The following MARCHF1 variants were observed in gnomAD, a reference collection of about 807,000 sequenced individuals.
MARCHF1 encodes the protein E3 ubiquitin-protein ligase MARCHF1.
In MARCHF1, 40 loss-of-function variants were observed where a neutral mutation model predicts 54.2. That is an observed-to-expected ratio of 0.74 (90% CI 0.57 to 0.96). MARCHF1 has a LOEUF of 0.96. Ranked by LOEUF, MARCHF1 falls within the 40% of genes least tolerant of loss-of-function variation. The probability of loss-of-function intolerance (pLI) is 0.00; values close to 1 mark genes in which losing one functional copy is unlikely to be tolerated. For missense variants in MARCHF1, 586 were observed against 656.5 expected (o/e 0.89, Z 1.17); for synonymous variants, 236 against 236.3 (o/e 1.00, Z 0.01).
At chr4:163,599,075 G>A (rs1319173157) in intron 7 of MARCHF1, among the ~76,000 whole-genome samples, 1 of 152,000 alleles carries the variant, frequency 6.6e-6, no homozygotes, top group Admixed American at 6.6e-5. Context: ...GATCGCCTAA[G>A]GTCAGGAGTT....
At chr4:164,090,256 C>T (rs1281773382) in intron 2 of MARCHF1, among the ~76,000 whole-genome samples, 2 of 151,882 alleles carry the variant, frequency 1.3e-5, no homozygotes, top group Non-Finnish European at 2.9e-5. Flanking sequence ...GAAACAAGAA[C>T]TCTCAAGTGA....
Position 163,778,684 on chromosome 4 carries a change from A to G in MARCHF1, c.111+75337T>C, listed in dbSNP as rs544322652. On this transcript the variant is annotated intron_variant, in intron 4 of 9. Coordinates refer to ENST00000514618, the MANE Select transcript of MARCHF1 (RefSeq NM_001394959.1). ...CTACTCAGCCATTAAAAATAAAATC[A>G]TATATTTTTATTGCATCATGGATGG... Among the ~76,000 whole-genome samples, 16 of 152,268 alleles carry G rather than the reference A, an allele frequency of 1.1e-4. 1 individual carries two copies. In the East Asian group the frequency reaches 2.3e-3, roughly 22 times the overall value.
chr4:163,955,469 C>T (rs1752214268), intron 3 of MARCHF1, among the ~76,000 whole-genome samples: 1 of 151,978 alleles, frequency 6.6e-6, no homozygotes, highest in African/African-American at 2.4e-5. Context: ...TCTGACACTC[C>T]CTGGCCATTG....
intron 4 of MARCHF1, among the ~76,000 whole-genome samples, chr4:163,721,482 A>G (rs990976540): frequency 1.3e-5 from 2 of 152,090 alleles, no homozygotes; most frequent in South Asian, 2.1e-4. Context: ...ATGTTGGTCT[A>G]AAATTCTCTT....
intron 2 of MARCHF1, among the ~76,000 whole-genome samples, chr4:164,071,791 A>G (rs996174557): frequency 2.0e-5 from 3 of 152,142 alleles, no homozygotes; most frequent in African/African-American, 7.2e-5. Context: ...CTCCTCCTGT[A>G]AGTATACACT....
intron 1 of MARCHF1, among the ~76,000 whole-genome samples, chr4:164,368,299 A>G (rs1730937965): frequency 6.7e-6 from 1 of 149,348 alleles, no homozygotes; most frequent in South Asian, 2.1e-4. Flanking sequence ...TAATTTAAGA[A>G]CAAATGAAAA....
At chr4:163,579,212 T>A (rs74339846) in intron 8 of MARCHF1, among the ~76,000 whole-genome samples, 1 of 152,224 alleles carries the variant, frequency 6.6e-6, no homozygotes, top group Non-Finnish European at 1.5e-5. Context: ...CTCATAATTA[T>A]TTGATACATG....
chr4:164,123,006 G>C (rs1756104050), intron 1 of MARCHF1, among the ~76,000 whole-genome samples: 2 of 152,090 alleles, frequency 1.3e-5, no homozygotes, highest in Admixed American at 6.6e-5. Context: ...AAACTGGAAA[G>C]GAAGAAGTCA....
At position 164,183,033 on chromosome 4, in the gene MARCHF1, CT is replaced by C. The variant is rs558311795; in HGVS notation, c.-322-71372del. ...CAATTTAGCCTTAACTTCCCTCAGCCTAATATTAAAAAGTTCTAGTTCTTAT... is the reference window on the plus strand; with the variant it reads ...CAATTTAGCCTTAACTTCCCTCAGCCAATATTAAAAAGTTCTAGTTCTTAT... On this transcript the variant is annotated intron_variant, in intron 1 of 9. Coordinates refer to ENST00000514618, the MANE Select transcript of MARCHF1 (RefSeq NM_001394959.1). 1.2e-3 allele frequency among the ~76,000 whole-genome samples: 185 copies of C among 152,086 alleles called. 5 individuals are homozygous for C. Among genetic ancestry groups the C allele is most frequent in the Admixed American group, 0.012 (184 of 15,274 alleles).
At chr4:164,147,031 C>G (rs1448556663) in intron 1 of MARCHF1, among the ~76,000 whole-genome samples, 1 of 151,880 alleles carries the variant, frequency 6.6e-6, no homozygotes, top group African/African-American at 2.4e-5. Context: ...ACAGACACTT[C>G]TCAAAAGAAG....
chr4:163,902,157 A>G (rs1418736695), intron 3 of MARCHF1, among the ~76,000 whole-genome samples: 2 of 152,192 alleles, frequency 1.3e-5, no homozygotes, highest in Non-Finnish European at 2.9e-5. Flanking sequence ...ACAATAAGAC[A>G]TTAGTGAAGT....
chr4:163,626,990 G>C (rs779036283), intron 5 of MARCHF1, among the ~76,000 whole-genome samples: 1 of 152,120 alleles, frequency 6.6e-6, no homozygotes, highest in Non-Finnish European at 1.5e-5. Context: ...TGATCTGAAA[G>C]AGTCTTTTTG....
intron 1 of MARCHF1, among the ~76,000 whole-genome samples, chr4:164,181,032 C>T (rs539627177): frequency 6.6e-6 from 1 of 152,128 alleles, no homozygotes; most frequent in Non-Finnish European, 1.5e-5. Flanking sequence ...TATTTAAAAT[C>T]CTATTTTACT....
chr4:163,940,106 A>AT (rs1168651454), intron 3 of MARCHF1, among the ~76,000 whole-genome samples: 13 of 152,132 alleles, frequency 8.5e-5, no homozygotes, highest in Admixed American at 8.5e-4. Flanking sequence ...TGATAATACA[A>AT]TGATAAGATG....
intron 2 of MARCHF1, among the ~76,000 whole-genome samples, chr4:164,088,327 C>T (rs1167977433): frequency 1.3e-5 from 2 of 152,158 alleles, no homozygotes; most frequent in Non-Finnish European, 2.9e-5. Context: ...GAGAAGCTTA[C>T]ATAAAATTTA....
chr4:164,241,554 T>C (rs1165014976), intron 1 of MARCHF1, among the ~76,000 whole-genome samples: 2 of 152,184 alleles, frequency 1.3e-5, no homozygotes, highest in African/African-American at 4.8e-5. Context: ...CTTTTCTGTG[T>C]ATATTAAAAT....
chr4:163,973,470 G>T (rs1420019301), intron 3 of MARCHF1, among the ~76,000 whole-genome samples: 1 of 152,176 alleles, frequency 6.6e-6, no homozygotes, highest in Non-Finnish European at 1.5e-5. Flanking sequence ...AAGGGCAAAT[G>T]CTAATTCACA....
intron 1 of MARCHF1, among the ~76,000 whole-genome samples, chr4:164,195,627 G>A (rs1731234857): frequency 6.6e-6 from 1 of 152,010 alleles, no homozygotes; most frequent in African/African-American, 2.4e-5. Flanking sequence ...TTTAAACCCG[G>A]ATAGTCTCAC....
intron 2 of MARCHF1, among the ~76,000 whole-genome samples, chr4:164,003,861 C>T (rs1394830928): frequency 6.6e-6 from 1 of 151,944 alleles, no homozygotes; most frequent in Non-Finnish European, 1.5e-5. Context: ...GCACTATTCA[C>T]AATAGCAAAA....
Sources: gnomAD v4.1 joint callset for allele counts (sites outside exome capture counted in the v4.1 genomes callset) on GRCh38, gnomAD v4.1.1 for gene constraint, MANE v1.5 for transcripts, NCBI Gene and HGNC (gene_info 2026-07-23, HGNC 2026-07-21) for gene names.